CLASP1: variants seen among roughly 807,000 people sequenced by gnomAD.
The protein encoded by CLASP1 is CLIP-associating protein 1.
In CLASP1, 38 loss-of-function variants were observed where a neutral mutation model predicts 192.3. The observed-to-expected ratio is 0.20, with a 90% CI of 0.15 to 0.26. CLASP1 has a LOEUF of 0.26. CLASP1 is among the 10% of genes least tolerant of loss of function. CLASP1 has a pLI of 1.00. For synonymous variants in CLASP1, 691 were observed against 712.8 expected (o/e 0.97, Z 0.49); for missense variants, 1,433 against 1,932.5 (o/e 0.74, Z 4.85).
chr2:121,374,867 G>C (rs191040649), intron 34 of CLASP1, among the ~76,000 whole-genome samples: 208 of 152,280 alleles, frequency 1.4e-3, no homozygotes, highest in Non-Finnish European at 2.5e-3. Flanking sequence ...TATTTTACAG[G>C]CTCATAGGCG....
intron 4 of CLASP1, among the ~76,000 whole-genome samples, chr2:121,528,141 A>G (rs1479632581): frequency 6.6e-6 from 1 of 152,240 alleles, no homozygotes; most frequent in Admixed American, 6.5e-5. Flanking sequence ...CCTGAAAGAG[A>G]GGTATAACTG....
chr2:121,486,954 C>T (rs1342533806), intron 8 of CLASP1, among the ~76,000 whole-genome samples: 1 of 152,182 alleles, frequency 6.6e-6, no homozygotes, highest in Non-Finnish European at 1.5e-5. Flanking sequence ...TACAAACCTA[C>T]CTGAATCAAA....
intron 39 of CLASP1, 23 bp from the exon 41 acceptor site, chr2:121,340,970 A>C (rs1274201107): frequency 2.0e-6 from 3 of 1,489,966 alleles, no homozygotes; most frequent in Non-Finnish European, 2.8e-6. Context: ...GATGAAACTG[A>C]ATTAGCAGGA....
intron 37 of CLASP1, among the ~76,000 whole-genome samples, chr2:121,359,609 A>G (rs2065986170): frequency 6.6e-6 from 1 of 152,246 alleles, no homozygotes; most frequent in Non-Finnish European, 1.5e-5. Context: ...CCTTTAAGGT[A>G]TTTGCTAAAT....
At chr2:121,591,645 T>C (rs181134108) in intron 2 of CLASP1, among the ~76,000 whole-genome samples, 24 of 152,280 alleles carry the variant, frequency 1.6e-4, no homozygotes, top group Admixed American at 1.6e-3. Flanking sequence ...CCAGGCCACT[T>C]GTATCTCAGA....
At chr2:121,379,522 T>C (rs548174071) in intron 33 of CLASP1, among the ~76,000 whole-genome samples, 2 of 152,282 alleles carry the variant, frequency 1.3e-5, no homozygotes, top group Admixed American at 6.5e-5. Flanking sequence ...AGTACACTAT[T>C]TTTTATATAT....
rs59632661 is a variant in CLASP1, at chr2:121,536,378, G to GAAAAAAA, written c.196-6060_196-6054dup. 2.1e-3 allele frequency among the ~76,000 whole-genome samples: 100 copies of GAAAAAAA among 48,294 alleles called. 2 individuals are homozygous for GAAAAAAA. The highest frequency in any genetic ancestry group is 8.1e-3 in the African/African-American group (94 of 11,644). The allele number at this position is 48,294 out of a possible 152,430, so 31.7% of individuals were successfully genotyped here. ...CCTGGGCGACAGAGCAAGACTGTCTGAAAAAAAAAAAAAAAAAAAAAAAAG... is the reference window on the plus strand; with the variant it reads ...CCTGGGCGACAGAGCAAGACTGTCTGAAAAAAAAAAAAAAAAAAAAAAAAAAAAAAAG... On this transcript the variant is annotated intron_variant, in intron 2 of 39. Transcript: ENST00000263710.
Position 121,527,899 on chromosome 2 carries a change from G to C in CLASP1, c.379-9C>G. On this transcript the variant is annotated splice_polypyrimidine_tract_variant and intron_variant, in intron 4 of 39. Coordinates refer to ENST00000263710, the Ensembl canonical transcript of CLASP1. ...ATTCTGTCCCATACGTACTGCAGAT[G>C]ACAAAGAACAGGTGAGGAAAGGAGA... 1 of 1,608,982 alleles carries C rather than the reference G, an allele frequency of 6.2e-7. No homozygotes were observed. Among genetic ancestry groups the C allele is most frequent in the Non-Finnish European group, 8.5e-7 (1 of 1,175,462 alleles).
intron 7 of CLASP1, among the ~76,000 whole-genome samples, chr2:121,511,303 G>A (rs1212191105): frequency 6.6e-6 from 1 of 152,066 alleles, no homozygotes; most frequent in Non-Finnish European, 1.5e-5. Flanking sequence ...AGAGAAAAGA[G>A]AGCAGTCAGG....
intron 36 of CLASP1, 37 bp downstream of exon 37, chr2:121,365,057 T>C (rs1438141053): frequency 6.9e-6 from 11 of 1,603,424 alleles, no homozygotes; most frequent in Non-Finnish European, 8.5e-6. Flanking sequence ...CCCCATTACA[T>C]GGAAAGGGGC....
Position 121,357,399 on chromosome 2 carries a change from G to A in CLASP1, c.4206+5773C>T, listed in dbSNP as rs116485653. ...CTTTAATGCTAGCCTCTCAGCGCAG[G>A]GTATAAAACACCTGCCCCCCACCTC... On this transcript the variant is annotated intron_variant, in intron 37 of 39. Transcript: ENST00000263710. Among the ~76,000 whole-genome samples the A allele has an allele frequency of 8.9e-3, 1,353 of 152,056 alleles. 23 individuals carry two copies. The highest frequency in any genetic ancestry group is 0.031 in the African/African-American group (1,293 of 41,466).
chr2:121,530,921 C>CA (rs1559533823), intron 2 of CLASP1: 1 of 699,762 alleles, frequency 1.4e-6, no homozygotes, highest in African/African-American at 1.7e-5. Context: ...CCAATGAGCG[C>CA]ATAGTGAGGG....
intron 35 of CLASP1, 71 bp from the exon 37 acceptor site, chr2:121,365,355 G>A (rs1316182171): frequency 1.7e-5 from 24 of 1,377,958 alleles, no homozygotes; most frequent in African/African-American, 2.9e-5. Flanking sequence ...TCAGTGGTGC[G>A]CAGTGATCCT....
At chr2:121,427,064 T>C (rs868254406) in intron 21 of CLASP1, among the ~76,000 whole-genome samples, 4 of 151,954 alleles carry the variant, frequency 2.6e-5, no homozygotes, top group Middle Eastern at 3.4e-3. Flanking sequence ...AAAACCACCA[T>C]CATTCAAATG....
chr2:121,522,692 A>C (rs1044474042), intron 6 of CLASP1, among the ~76,000 whole-genome samples: 7 of 152,126 alleles, frequency 4.6e-5, no homozygotes, highest in Non-Finnish European at 1.0e-4. Context: ...GGAGCACCTG[A>C]TTTTTGGTAG....
chr2:121,513,262 C>G (rs1382659183), intron 7 of CLASP1, among the ~76,000 whole-genome samples: 1 of 152,152 alleles, frequency 6.6e-6, no homozygotes, highest in Non-Finnish European at 1.5e-5. Context: ...TCCAAGCACT[C>G]GTGTATGCCA....
chr2:121,614,218 G>A (rs988396219), intron 1 of CLASP1, among the ~76,000 whole-genome samples: 5 of 152,206 alleles, frequency 3.3e-5, no homozygotes, highest in Non-Finnish European at 4.4e-5. Context: ...TGAGGAAGCC[G>A]GGCGCGGTGG....
intron 28 of CLASP1, among the ~76,000 whole-genome samples, chr2:121,400,592 G>A (rs1004088099): frequency 5.3e-5 from 8 of 152,218 alleles, no homozygotes; most frequent in Non-Finnish European, 1.0e-4. Flanking sequence ...ACAGACAACA[G>A]TGCAATCTTC....
intron 19 of CLASP1, among the ~76,000 whole-genome samples, chr2:121,443,476 C>A (rs567839792): frequency 6.6e-6 from 1 of 152,306 alleles, no homozygotes; most frequent in East Asian, 1.9e-4. Flanking sequence ...AGAAAACACT[C>A]GGGATTGTTT....
Sources: gnomAD v4.1 joint callset for allele counts (sites outside exome capture counted in the v4.1 genomes callset) on GRCh38, gnomAD v4.1.1 for gene constraint, MANE v1.5 for transcripts, NCBI Gene and HGNC (gene_info 2026-07-23, HGNC 2026-07-21) for gene names.